Variants in FRYL observed in about 807,000 individuals in gnomAD.
The protein encoded by FRYL is protein furry homolog-like.
FRYL carries 150 observed loss-of-function variants against 351.2 expected under a neutral mutation model. The observed-to-expected ratio is 0.43, with a 90% CI of 0.37 to 0.49. The LOEUF is 0.49. Among genes scored for constraint, FRYL ranks in the 20% least tolerant of loss-of-function variants. FRYL has a pLI of 0.00. For missense variants in FRYL, 3,036 were observed against 3,619.3 expected, an observed-to-expected ratio of 0.84 and a Z score of 4.13; for synonymous variants, 1,153 against 1,257.1, an observed-to-expected ratio of 0.92 and a Z score of 1.75.
rs1750484664 is a variant in FRYL at position 48,620,667 on chromosome 4, T to C, written c.286A>G (p.Arg96Gly). 6.2e-7 allele frequency: 1 copy of C among 1,613,886 alleles called. No homozygotes were observed. The highest frequency in any genetic ancestry group is 8.5e-7 in the Non-Finnish European group (1 of 1,179,798). Reference sequence around the variant, plus strand: ...TTAGACTTTGTGCTAGACCGAGGCCTATATTCATAAGATTCATCTTCCGTT... The same window carrying C: ...TTAGACTTTGTGCTAGACCGAGGCCCATATTCATAAGATTCATCTTCCGTT... ...NGTEDESYEYRPRSSTKSKGD... is the reference protein window; with the variant it reads ...NGTEDESYEYGPRSSTKSKGD... Residue 96 changes from arginine to glycine, a missense_variant, in exon 6 of 64, where the codon AGG becomes GGG. Arg to Gly is a moderately radical substitution (Grantham distance 125, BLOSUM62 -2). Around this residue, in one of 7 missense-constraint regions of FRYL, gnomAD observed 457 missense variants for 566.6 expected, o/e 0.81. Transcript: ENST00000358350.
chr4:48,699,742 A>G (rs1766542633), intron 2 of FRYL, among the ~76,000 whole-genome samples: 1 of 152,006 alleles, frequency 6.6e-6, no homozygotes, highest in South Asian at 2.1e-4. Flanking sequence ...GGGTCCCTAC[A>G]TGCCTCTTTT....
At chr4:48,737,286 AAG>A (rs1384800273) in intron 1 of FRYL, among the ~76,000 whole-genome samples, 2 of 151,676 alleles carry the variant, frequency 1.3e-5, no homozygotes, top group Non-Finnish European at 2.9e-5. Context: ...AAGAGAGAGA[AAG>A]AGGGGACAAC....
intron 3 of FRYL, among the ~76,000 whole-genome samples, chr4:48,639,793 A>C (rs1243072425): frequency 6.6e-6 from 1 of 152,166 alleles, no homozygotes; most frequent in African/African-American, 2.4e-5. Context: ...AAATACATAA[A>C]GAACTCTTAA....
chr4:48,551,428 A>G, intron 37 of FRYL, 66 bp downstream of exon 37: 4 of 850,396 alleles, frequency 4.7e-6, no homozygotes, highest in Non-Finnish European at 7.3e-6. Flanking sequence ...AGAAAATATC[A>G]TTTATTCTGA....
At chr4:48,521,520 T>G (rs1724898212) in intron 54 of FRYL, among the ~76,000 whole-genome samples, 1 of 152,238 alleles carries the variant, frequency 6.6e-6, no homozygotes, top group South Asian at 2.1e-4. Context: ...TGAATTCATA[T>G]TCATTCATGG....
At chr4:48,733,347 T>A (rs1770950479) in intron 1 of FRYL, among the ~76,000 whole-genome samples, 2 of 150,756 alleles carry the variant, frequency 1.3e-5, no homozygotes, top group African/African-American at 4.9e-5. Context: ...GAAATTATCC[T>A]TCAAAAGTAA....
chr4:48,511,014 G>C, intron 57 of FRYL, 30 bp from the exon 58 acceptor site: 8 of 1,568,988 alleles, frequency 5.1e-6, no homozygotes, highest in Non-Finnish European at 6.1e-6. Context: ...AAAGAGTTTA[G>C]TGTTTCATAA....
chr4:48,607,825 C>T (rs1225389357), intron 9 of FRYL, among the ~76,000 whole-genome samples: 4 of 152,200 alleles, frequency 2.6e-5, no homozygotes, highest in African/African-American at 9.7e-5. Context: ...TTTGGACTTA[C>T]TATCCTTGCC....
intron 59 of FRYL, 68 bp from the exon 60 acceptor site, chr4:48,505,683 A>G (rs1720751955): frequency 1.1e-6 from 1 of 910,394 alleles, no homozygotes; most frequent in Middle Eastern, 2.2e-4. Context: ...CTGTCCATAT[A>G]CAACACCAAA....
At chr4:48,609,100 A>T in intron 8 of FRYL, 33 bp from the exon 9 acceptor site, 2 of 1,368,462 alleles carry the variant, frequency 1.5e-6, no homozygotes, top group Non-Finnish European at 2.1e-6. Flanking sequence ...ATAACATTTC[A>T]TTAAATTTTT....
intron 6 of FRYL, 119 bp downstream of exon 6, chr4:48,620,519 CA>C (rs1199749701): frequency 2.1e-5 from 21 of 997,704 alleles, no homozygotes; most frequent in Non-Finnish European, 2.5e-5. Flanking sequence ...ATCTTTGTAA[CA>C]AAAGTAATCA....
Position 48,575,254 on chromosome 4 carries a change from T to C in FRYL, c.2722-13A>G, listed in dbSNP as rs777796597. ...GGATGCCAATAATCTGGAAAAAAAATATCGTATTTGTAACAGCCACTAATG... is the reference window on the plus strand; with the variant it reads ...GGATGCCAATAATCTGGAAAAAAAACATCGTATTTGTAACAGCCACTAATG... On this transcript the variant is annotated splice_polypyrimidine_tract_variant and intron_variant, in intron 24 of 63. Transcript: ENST00000358350. The C allele has an allele frequency of 3.1e-6, 5 of 1,611,928 alleles. No individual in the cohort carries two copies. The highest frequency in any genetic ancestry group is 4.5e-5 in the East Asian group (2 of 44,802).
chr4:48,511,066 T>C, intron 57 of FRYL, 82 bp from the exon 58 acceptor site: 1 of 777,594 alleles, frequency 1.3e-6, no homozygotes, highest in Non-Finnish European at 2.1e-6. Flanking sequence ...CATAATAGGG[T>C]AGACTTTTAT....
At chr4:48,694,577 G>A (rs954638885) in intron 2 of FRYL, among the ~76,000 whole-genome samples, 2 of 152,106 alleles carry the variant, frequency 1.3e-5, no homozygotes, top group African/African-American at 4.8e-5. Context: ...GATTATAGGT[G>A]TGAGCCACTG....
chr4:48,640,178 G>A (rs1430247731), intron 3 of FRYL, among the ~76,000 whole-genome samples: 1 of 152,094 alleles, frequency 6.6e-6, no homozygotes, highest in Non-Finnish European at 1.5e-5. Flanking sequence ...AGGAGCTGAA[G>A]ACGTATGTCC....
intron 30 of FRYL, 39 bp downstream of exon 30, chr4:48,564,894 C>A: frequency 8.9e-7 from 1 of 1,129,434 alleles, no homozygotes. Context: ...AATACAATGA[C>A]AACTTATTAT....
At chr4:48,648,360 C>T (rs1756960019) in intron 3 of FRYL, among the ~76,000 whole-genome samples, 1 of 152,288 alleles carries the variant, frequency 6.6e-6, no homozygotes, top group East Asian at 1.9e-4. Flanking sequence ...TTCATTCCCA[C>T]CATGCTCTCC....
chr4:48,715,283 C>CA (rs1768654590), intron 1 of FRYL, among the ~76,000 whole-genome samples: 1 of 151,706 alleles, frequency 6.6e-6, no homozygotes. Flanking sequence ...GGCAATCAGG[C>CA]AGGAGAAGGA....
chr4:48,649,383 T>C (rs1757193821), intron 3 of FRYL, among the ~76,000 whole-genome samples: 1 of 152,198 alleles, frequency 6.6e-6, no homozygotes, highest in African/African-American at 2.4e-5. Flanking sequence ...TTTAAGAAGG[T>C]CAATCTATTT....
Sources: gnomAD v4.1 joint callset for allele counts (sites outside exome capture counted in the v4.1 genomes callset) on GRCh38, gnomAD v4.1.1 for gene constraint, gnomAD v4.1.1 regional missense constraint, MANE v1.5 for transcripts, NCBI Gene and HGNC (gene_info 2026-07-23, HGNC 2026-07-21) for gene names.